The following SERAC1 variants were observed in gnomAD, a reference collection of about 807,000 sequenced individuals.
SERAC1 encodes protein SERAC1.
In SERAC1, 36 loss-of-function variants were observed where a neutral mutation model predicts 85.7. The observed-to-expected ratio is 0.42, with a 90% CI of 0.32 to 0.55. The LOEUF is 0.55. Among genes scored for constraint, SERAC1 ranks in the 20% least tolerant of loss-of-function variants. SERAC1 has a pLI of 0.11. For missense variants in SERAC1, 629 were observed against 796.2 expected, an observed-to-expected ratio of 0.79 and a Z score of 2.53; for synonymous variants, 242 against 265.3, an observed-to-expected ratio of 0.91 and a Z score of 0.85.
chr6:158,136,206 A>G (rs1784790204), intron 8 of SERAC1, among the ~76,000 whole-genome samples: 1 of 152,198 alleles, frequency 6.6e-6, no homozygotes, highest in South Asian at 2.1e-4. Flanking sequence ...ATTAACTTCA[A>G]CTTTCATGTT....
At chr6:158,151,428 A>ATTT (rs60806678) in intron 3 of SERAC1, among the ~76,000 whole-genome samples, 4,749 of 148,324 alleles carry the variant, frequency 0.032, 232 homozygotes, top group African/African-American at 0.11. Flanking sequence ...TCTCAAAAAG[A>ATTT]TTTTTTTTTT....
At chr6:158,154,199 G>A (rs1185801568) in intron 3 of SERAC1, among the ~76,000 whole-genome samples, 9 of 148,682 alleles carry the variant, frequency 6.1e-5, no homozygotes, top group Admixed American at 1.4e-4. Context: ...TGCTCTCTTC[G>A]GGATGTATCT....
Position 158,120,535 on chromosome 6 carries a change from G to A in SERAC1, c.1056C>T (p.His352=). The A allele has an allele frequency of 6.2e-7, 1 of 1,613,964 alleles. No individual in the cohort carries two copies. Residue 352 remains histidine (H), a synonymous_variant, in exon 11 of 17, where the codon CAC becomes CAT. Transcript: ENST00000647468. The surrounding 1 kb of genome is among the most constrained non-coding windows in gnomAD (Gnocchi z 4.4). ...SIMAEAMKSP[H]IMESSHAARI... is the part of the protein sequence containing the mutation. The stretch of plus-strand genomic sequence containing the variant: ...TGGCAGCGTGTGAGGACTCCATAAT[G>A]TGGGGAGATTTCATTGCTTCTGCCA...
At position 158,135,865 on chromosome 6, in the gene SERAC1, A is replaced by G. The variant is rs550313517; in HGVS notation, c.739-5379T>C. Among the ~76,000 whole-genome samples, 4 of 152,250 alleles carry G rather than the reference A, an allele frequency of 2.6e-5. No homozygotes were observed. In the East Asian group the frequency reaches 7.8e-4, roughly 30 times the overall value. ...CACTCTGTCACCCAGGCTGGAGTGC[A>G]GTGGTGCAATCTTGGCTCACTGCAA... On this transcript the variant is annotated intron_variant, in intron 8 of 16. Coordinates refer to ENST00000647468, the MANE Select transcript of SERAC1 (RefSeq NM_032861.4).
chr6:158,114,502 T>C (rs1284629393), intron 15 of SERAC1: 43 of 1,169,586 alleles, frequency 3.7e-5, no homozygotes, highest in Non-Finnish European at 4.4e-5. Context: ...TATTGGTAAT[T>C]TGGAATAATA....
intron 8 of SERAC1, among the ~76,000 whole-genome samples, chr6:158,141,289 G>C (rs1784909534): frequency 2.6e-5 from 4 of 152,224 alleles, no homozygotes; most frequent in Admixed American, 2.6e-4. Flanking sequence ...CTGGAGAGGG[G>C]AATGAGTGGT....
At chr6:158,112,348 G>A (rs1562429761) in intron 16 of SERAC1, 1 of 152,328 alleles carries the variant, frequency 6.6e-6, no homozygotes, top group Non-Finnish European at 1.5e-5. Context: ...AGGAGTTCGA[G>A]GCTGCAATGA....
chr6:158,128,152 T>C lies in SERAC1; in HGVS notation c.971A>G (p.Asn324Ser). ...VQRNIMRVIGNMALNEHLHSS... is the reference protein window; with the variant it reads ...VQRNIMRVIGSMALNEHLHSS... ...ATGAAGATGTTCATTCAAAGCCATATTTCCAATGACACGCATTATATTTCT... is the reference window on the plus strand; with the variant it reads ...ATGAAGATGTTCATTCAAAGCCATACTTCCAATGACACGCATTATATTTCT... Residue 324 changes from asparagine to serine, a missense_variant, in exon 10 of 17, where the codon AAT (asparagine) becomes AGT (serine). Physicochemically the swap from Asn to Ser is conservative, Grantham distance 46. Transcript: ENST00000647468. 1.2e-6 allele frequency: 2 copies of C among 1,614,174 alleles called. No homozygotes were observed. The highest frequency in any genetic ancestry group is 1.7e-6 in the Non-Finnish European group (2 of 1,180,012).
intron 7 of SERAC1, 64 bp downstream of exon 7, chr6:158,144,233 CAA>C (rs1270300064): frequency 7.8e-7 from 1 of 1,283,606 alleles, no homozygotes. Context: ...TTTTGTACCC[CAA>C]GTGAAGATAA....
intron 6 of SERAC1, among the ~76,000 whole-genome samples, chr6:158,144,728 A>G (rs1223066479): frequency 6.6e-6 from 1 of 152,248 alleles, no homozygotes; most frequent in African/African-American, 2.4e-5. Context: ...AAACAATTCC[A>G]GCATTCAAAA....
chr6:158,136,261 A>C (rs2128417725), intron 8 of SERAC1, among the ~76,000 whole-genome samples: 1 of 152,298 alleles, frequency 6.6e-6, no homozygotes, highest in South Asian at 2.1e-4. Context: ...ACATATATTA[A>C]TTATATCAGA....
intron 8 of SERAC1, among the ~76,000 whole-genome samples, chr6:158,142,371 C>T (rs904945493): frequency 2.0e-5 from 3 of 151,802 alleles, no homozygotes; most frequent in African/African-American, 4.8e-5. Flanking sequence ...CACTGTGTTG[C>T]CCAAGCTGGT....
chr6:158,133,543 G>A (rs1244560721), intron 8 of SERAC1, among the ~76,000 whole-genome samples: 1 of 151,904 alleles, frequency 6.6e-6, no homozygotes, highest in Non-Finnish European at 1.5e-5. Context: ...GTGCCACCAC[G>A]CCCAGTTAAT....
At chr6:158,148,763 TA>T in intron 5 of SERAC1, 101 bp downstream of exon 5, 1 of 830,978 alleles carries the variant, frequency 1.2e-6, no homozygotes, top group Non-Finnish European at 1.8e-6. Flanking sequence ...TCCATAGCTA[TA>T]AAAAATATTA....
chr6:158,160,602 CCT>C, intron 1 of SERAC1, among the ~76,000 whole-genome samples: 1 of 152,156 alleles, frequency 6.6e-6, no homozygotes, highest in Non-Finnish European at 1.5e-5. Flanking sequence ...AATTTCAAAA[CCT>C]CTCTTTGAAT....
chr6:158,166,760 C>CT (rs1785607575), intron 1 of SERAC1, among the ~76,000 whole-genome samples: 1 of 152,068 alleles, frequency 6.6e-6, no homozygotes, highest in South Asian at 2.1e-4. Context: ...TGAATAGTGT[C>CT]TTTTTATTAT....
chr6:158,163,434 A>G (rs899614762), intron 1 of SERAC1, among the ~76,000 whole-genome samples: 2 of 152,208 alleles, frequency 1.3e-5, no homozygotes, highest in Non-Finnish European at 2.9e-5. Context: ...GTGGTGGCTC[A>G]TGCCTATAAT....
At chr6:158,141,140 C>T (rs1784905818) in intron 8 of SERAC1, among the ~76,000 whole-genome samples, 1 of 152,212 alleles carries the variant, frequency 6.6e-6, no homozygotes, top group African/African-American at 2.4e-5. Context: ...TGATATGCCA[C>T]AGTGTGGCTG....
Position 158,113,715 on chromosome 6 carries a change from CAT to C in SERAC1, c.1685-125_1685-124del, listed in dbSNP as rs148421043. 2.0e-3 allele frequency: 1,782 copies of C among 885,878 alleles called. 27 individuals are homozygous for C. The African/African-American group carries it at 0.027, about 13-fold the overall frequency. 54.9% of individuals were successfully genotyped at this position (885,878 alleles called of 1,614,324 possible). ...GATTCAAGACGGTGGCTTGAGTACA[CAT>C]GTTTATTTTCTCCCCTGCCAAGAAG... On this transcript the variant is annotated intron_variant, in intron 15 of 16. Transcript: ENST00000647468.
Sources: allele counts gnomAD v4.1 joint callset (sites outside exome capture counted in the v4.1 genomes callset), GRCh38; gene constraint gnomAD v4.1.1; non-coding constraint Gnocchi (gnomAD v3.1); transcripts MANE v1.5; gene names NCBI Gene and HGNC (gene_info 2026-07-23, HGNC 2026-07-21).